TTC39B: variants seen among roughly 807,000 people sequenced by gnomAD.
TTC39B encodes tetratricopeptide repeat protein 39B.
A neutral mutation model predicts 96.6 loss-of-function variants in TTC39B; 92 were observed. The observed-to-expected ratio is 0.95, with a 90% CI of 0.80 to 1.13. TTC39B has a LOEUF of 1.13. TTC39B is among the 50% of genes most tolerant of loss of function. The probability of loss-of-function intolerance (pLI) is 0.00; values close to 1 mark genes in which losing one functional copy is unlikely to be tolerated. For missense variants in TTC39B, 955 were observed against 809.3 expected (o/e 1.18, Z -2.18); for synonymous variants, 367 against 299.4 (o/e 1.23, Z -2.33).
rs563482794 is a variant in TTC39B, at chr9:15,250,306, C to G, written c.275+17608G>C. The G allele has an allele frequency of 4.0e-6, 3 of 746,716 alleles. No individual in the cohort carries two copies. The East Asian group carries it at 3.9e-4, about 97-fold the overall frequency. The allele number at this position is 746,716 out of a possible 1,614,324, so 46.3% of individuals were successfully genotyped here. A position where few individuals can be genotyped will look rare whatever the true frequency, so the allele number is the denominator to read the frequency against. On this transcript the variant is annotated intron_variant, in intron 2 of 19. Coordinates refer to ENST00000512701, the Ensembl canonical transcript of TTC39B. ...ATCACTGTTTAATTATCTAGAGAAA[C>G]AGGCAAGGAACATACAAATGGCCTG...
At chr9:15,179,938 A>T (rs1315354824) in intron 17 of TTC39B, among the ~76,000 whole-genome samples, 2 of 152,224 alleles carry the variant, frequency 1.3e-5, no homozygotes, top group African/African-American at 4.8e-5. Flanking sequence ...CTCCGACTAC[A>T]GACCATTATC....
At chr9:15,205,050 A>T (rs1410034810) in intron 6 of TTC39B, among the ~76,000 whole-genome samples, 1 of 152,214 alleles carries the variant, frequency 6.6e-6, no homozygotes, top group Non-Finnish European at 1.5e-5. Context: ...GAGCTGCTAA[A>T]AAGGCTCTGC....
chr9:15,197,682 C>A (rs764010102), intron 8 of TTC39B, among the ~76,000 whole-genome samples: 7 of 152,084 alleles, frequency 4.6e-5, no homozygotes, highest in Non-Finnish European at 1.0e-4. Flanking sequence ...CAAAACCACA[C>A]TTAGGCACAT....
chr9:15,169,894 T>G (rs1204310768), exon 20 of TTC39B: 1 of 152,208 alleles, frequency 6.6e-6, no homozygotes, highest in Non-Finnish European at 1.5e-5. Context: ...AAAGAGAATT[T>G]GTTACTGACT....
chr9:15,270,520 A>C (rs1029693039), intron 1 of TTC39B, among the ~76,000 whole-genome samples: 1 of 152,062 alleles, frequency 6.6e-6, no homozygotes, highest in Admixed American at 6.5e-5. Flanking sequence ...TGAGCGACGC[A>C]AAGGATAACT....
In TTC39B at chr9:15,257,004, C is replaced by A. The variant is rs368214405; in HGVS notation, c.275+10910G>T. 4.6e-5 allele frequency among the ~76,000 whole-genome samples: 7 copies of A among 152,240 alleles called. No homozygotes were observed. In the East Asian group the frequency reaches 7.7e-4, roughly 17 times the overall value. On this transcript the variant is annotated intron_variant, in intron 2 of 19. Transcript: ENST00000512701. ...AGGATCACTCTTGTCCTGATTCACA[C>A]AAACATACTGTTAAAAAAATAAATG...
intron 2 of TTC39B, among the ~76,000 whole-genome samples, chr9:15,254,143 T>C (rs919874089): frequency 5.3e-5 from 8 of 151,990 alleles, no homozygotes; most frequent in Non-Finnish European, 1.2e-4. Context: ...CTGGGGTGTC[T>C]ATAAATTCAT....
At chr9:15,189,099 T>C (rs75272173) in intron 13 of TTC39B, among the ~76,000 whole-genome samples, 207 of 151,988 alleles carry the variant, frequency 1.4e-3, no homozygotes, top group Middle Eastern at 0.01. Context: ...GTGGAAAAAA[T>C]GGTTTGTGAA....
chr9:15,176,088 A>T (rs1012179113), intron 18 of TTC39B, among the ~76,000 whole-genome samples: 2 of 152,240 alleles, frequency 1.3e-5, no homozygotes, highest in African/African-American at 4.8e-5. Flanking sequence ...AGAAGTAAGC[A>T]ATGAAATTAA....
chr9:15,172,400 G>A (rs139011650), intron 19 of TTC39B, among the ~76,000 whole-genome samples: 4 of 152,160 alleles, frequency 2.6e-5, no homozygotes, highest in African/African-American at 7.2e-5. Flanking sequence ...TGTGAGAAGG[G>A]CTGTACAAAT....
intron 2 of TTC39B, among the ~76,000 whole-genome samples, chr9:15,259,685 A>G (rs1179482898): frequency 6.6e-6 from 1 of 152,164 alleles, no homozygotes; most frequent in African/African-American, 2.4e-5. Flanking sequence ...ATTTTCCAAC[A>G]TTATGATGGG....
At chr9:15,188,003 C>G in exon 14 of TTC39B, 1 of 1,608,328 alleles carries the variant, frequency 6.2e-7, no homozygotes. Context: ...CAAAGCAGAT[C>G]TGAATAGTAA....
At chr9:15,195,098 T>G (rs1819078259) in intron 8 of TTC39B, among the ~76,000 whole-genome samples, 1 of 152,184 alleles carries the variant, frequency 6.6e-6, no homozygotes, top group Non-Finnish European at 1.5e-5. Context: ...AACTTGTAAG[T>G]GCAAAAGAAA....
In TTC39B at chr9:15,253,078, T is replaced by C. The variant is rs117058059; in HGVS notation, c.275+14836A>G. Among the ~76,000 whole-genome samples the C allele has an allele frequency of 7.3e-3, 1,119 of 152,324 alleles. 9 individuals carry two copies. The highest frequency in any genetic ancestry group is 0.011 in the Non-Finnish European group (759 of 68,020). ...ATGCATACATACACAGATAAACATA[T>C]GTGTATCGTTCCACCCCACATGCTA... On this transcript the variant is annotated intron_variant, in intron 2 of 19. Coordinates refer to ENST00000512701, the Ensembl canonical transcript of TTC39B.
intron 2 of TTC39B, among the ~76,000 whole-genome samples, chr9:15,254,158 C>G (rs893758497): frequency 6.6e-6 from 1 of 151,402 alleles, no homozygotes; most frequent in Admixed American, 6.6e-5. Context: ...ATTCATAAAA[C>G]CAGCATTAAA....
intron 3 of TTC39B, 22 bp downstream of exon 3, chr9:15,225,895 A>T: frequency 6.2e-7 from 1 of 1,608,154 alleles, no homozygotes; most frequent in Non-Finnish European, 8.5e-7. Context: ...TTCCCCCAGG[A>T]ATGCCCACAA....
rs143114823 is a variant in TTC39B at position 15,206,156 on chromosome 9, A to G, written c.692-2266T>C. Among the ~76,000 whole-genome samples the G allele has an allele frequency of 4.6e-5, 7 of 152,332 alleles. No individual in the cohort carries two copies. In the East Asian group the frequency reaches 1.3e-3, roughly 29 times the overall value. On this transcript the variant is annotated intron_variant, in intron 6 of 19. Coordinates refer to ENST00000512701, the Ensembl canonical transcript of TTC39B. Reference sequence around the variant, plus strand: ...TGTATTCTGCAAATAAGTATCTGTCATATTAAATCCCTTTCACATCCCAGG... The same window carrying G: ...TGTATTCTGCAAATAAGTATCTGTCGTATTAAATCCCTTTCACATCCCAGG...
intron 2 of TTC39B, among the ~76,000 whole-genome samples, chr9:15,226,554 C>A (rs1320440861): frequency 1.3e-5 from 2 of 152,204 alleles, no homozygotes; most frequent in Non-Finnish European, 2.9e-5. Context: ...GCATTACAAA[C>A]TACTGTTAAT....
intron 8 of TTC39B, among the ~76,000 whole-genome samples, chr9:15,196,897 A>C (rs969256166): frequency 2.0e-5 from 3 of 152,202 alleles, no homozygotes; most frequent in Non-Finnish European, 4.4e-5. Flanking sequence ...TTTGTAAAAA[A>C]TTGCCATAGC....
Sources: allele counts gnomAD v4.1 joint callset (sites outside exome capture counted in the v4.1 genomes callset), GRCh38; gene constraint gnomAD v4.1.1; transcripts MANE v1.5; gene names NCBI Gene and HGNC (gene_info 2026-07-23, HGNC 2026-07-21).